EXOSC10: variants seen among roughly 807,000 people sequenced by gnomAD.
EXOSC10 encodes the protein exosome component 10.
EXOSC10 carries 94 observed loss-of-function variants against 126.6 expected under a neutral mutation model. The ratio of observed to expected loss-of-function variants is 0.74; its 90% confidence interval spans 0.63 to 0.88. EXOSC10 has a LOEUF of 0.88. Ranked by LOEUF, EXOSC10 falls within the 40% of genes least tolerant of loss-of-function variation. The pLI is 0.00. For missense variants in EXOSC10, 1,041 were observed against 1,100.5 expected (o/e 0.95, Z 0.77); for synonymous variants, 395 against 400.8 (o/e 0.99, Z 0.17).
chr1:11,092,698 T>C (rs894889088), intron 3 of EXOSC10, among the ~76,000 whole-genome samples: 2 of 152,084 alleles, frequency 1.3e-5, no homozygotes, highest in African/African-American at 2.4e-5. Flanking sequence ...TTGTATTTTT[T>C]AGTAGAGATG....
intron 1 of EXOSC10, among the ~76,000 whole-genome samples, chr1:11,098,955 G>C (rs1018036738): frequency 1.2e-4 from 18 of 152,214 alleles, no homozygotes; most frequent in Non-Finnish European, 2.1e-4. Context: ...TAGCTTATGA[G>C]CATGACCGCC....
chr1:11,098,575 A>G (rs1423034630), intron 1 of EXOSC10, among the ~76,000 whole-genome samples: 2 of 152,230 alleles, frequency 1.3e-5, no homozygotes, highest in African/African-American at 4.8e-5. Context: ...AAAAGCACTT[A>G]GGACAGTTCT....
chr1:11,083,443 C>T lies in EXOSC10; in HGVS notation c.1090-565G>A, dbSNP rs1570825301. Among the ~76,000 whole-genome samples the T allele has an allele frequency of 2.0e-5, 3 of 151,696 alleles. No homozygotes were observed. In the South Asian group the frequency reaches 6.3e-4, roughly 32 times the overall value. On this transcript the variant is annotated intron_variant, in intron 9 of 24. Coordinates refer to ENST00000376936, the MANE Select transcript of EXOSC10 (RefSeq NM_001001998.3). ...CGGGTGTGGTGGCGCATGCCTTTAA[C>T]CCCAGCTACTTGGGAGGCCGAGGCA... is the stretch of plus-strand genomic sequence containing the variant.
chr1:11,092,872 G>A (rs1193167107), intron 3 of EXOSC10, among the ~76,000 whole-genome samples: 1 of 152,156 alleles, frequency 6.6e-6, no homozygotes, highest in Non-Finnish European at 1.5e-5. Flanking sequence ...AATTACATGA[G>A]ATGAATATTC....
chr1:11,087,469 G>A lies in EXOSC10; in HGVS notation c.1068C>T (p.Leu356=). 1 of 1,614,106 alleles carries A rather than the reference G, an allele frequency of 6.2e-7. No individual in the cohort carries two copies. The highest frequency in any genetic ancestry group is 2.2e-5 in the East Asian group (1 of 44,872). Residue 356 remains leucine, a synonymous_variant, in exon 9 of 25, where the codon CTC becomes CTT. Coordinates refer to ENST00000376936, the MANE Select transcript of EXOSC10 (RefSeq NM_001001998.3). ...RSDMYILNES[L]TDPAIVKVFH... is the part of the protein sequence containing the mutation. ...TGACCTTAACGATGGCTGGGTCTGTGAGGCTCTCATTGAGAATGTACATGT... is the reference window on the plus strand; with the variant it reads ...TGACCTTAACGATGGCTGGGTCTGTAAGGCTCTCATTGAGAATGTACATGT...
At chr1:11,074,042 C>A (rs752874244) in intron 18 of EXOSC10, 34 bp from the exon 19 acceptor site, 2 of 1,602,008 alleles carry the variant, frequency 1.2e-6, no homozygotes, top group East Asian at 2.2e-5. Flanking sequence ...GAAACGCTGC[C>A]GGGAACGGAA....
chr1:11,087,695 A>T (rs1334559011), intron 8 of EXOSC10, 104 bp from the exon 9 acceptor site: 1 of 1,502,136 alleles, frequency 6.7e-7, no homozygotes, highest in Non-Finnish European at 9.0e-7. Context: ...TATATGATTA[A>T]TTTTTTACCA....
chr1:11,091,985 C>T (rs1640832939), intron 3 of EXOSC10, among the ~76,000 whole-genome samples: 1 of 152,058 alleles, frequency 6.6e-6, no homozygotes, highest in Admixed American at 6.5e-5. Flanking sequence ...CCACCGTGCC[C>T]CACCTAATTA....
intron 3 of EXOSC10, among the ~76,000 whole-genome samples, chr1:11,094,035 G>A (rs1390291428): frequency 6.6e-6 from 1 of 152,124 alleles, no homozygotes; most frequent in Non-Finnish European, 1.5e-5. Context: ...AGTTATGGTT[G>A]CACCACTGCA....
intron 3 of EXOSC10, among the ~76,000 whole-genome samples, chr1:11,094,295 C>CT (rs148618446): frequency 1.3e-3 from 176 of 140,054 alleles, no homozygotes; most frequent in South Asian, 2.1e-3. Flanking sequence ...GGCACTTTAA[C>CT]TTTTTTTTTT....
chr1:11,087,711 A>C, intron 8 of EXOSC10, 89 bp downstream of exon 8: 5 of 1,481,890 alleles, frequency 3.4e-6, no homozygotes, highest in Non-Finnish European at 4.6e-6. Flanking sequence ...TACCAAAAAA[A>C]ATTACAATTA....
At chr1:11,076,467 C>T (rs1462915464) in intron 17 of EXOSC10, among the ~76,000 whole-genome samples, 2 of 152,232 alleles carry the variant, frequency 1.3e-5, no homozygotes, top group Non-Finnish European at 2.9e-5. Context: ...CCATGCCACC[C>T]CTGCTGGGCA....
At chr1:11,094,553 G>A (rs980077287) in intron 3 of EXOSC10, among the ~76,000 whole-genome samples, 2 of 151,146 alleles carry the variant, frequency 1.3e-5, no homozygotes, top group African/African-American at 4.9e-5. Flanking sequence ...CACCCACCTC[G>A]GCCTCCCAAA....
At chr1:11,070,076 A>C (rs1639369414) in intron 21 of EXOSC10, among the ~76,000 whole-genome samples, 1 of 151,948 alleles carries the variant, frequency 6.6e-6, no homozygotes, top group Admixed American at 6.6e-5. Flanking sequence ...CTACAAAAAA[A>C]AAGAAACAAA....
intron 19 of EXOSC10, among the ~76,000 whole-genome samples, chr1:11,073,536 A>C (rs1423227864): frequency 6.6e-6 from 1 of 152,236 alleles, no homozygotes; most frequent in Non-Finnish European, 1.5e-5. Flanking sequence ...CACAGATGAG[A>C]TAGGCTTGTC....
intron 3 of EXOSC10, among the ~76,000 whole-genome samples, chr1:11,093,195 C>T (rs373162471): frequency 2.0e-5 from 3 of 152,132 alleles, no homozygotes; most frequent in Admixed American, 2.0e-4. Flanking sequence ...GCCCAATACT[C>T]GATTGACTCT....
At chr1:11,090,045 TG>T (rs1030388393) in intron 6 of EXOSC10, among the ~76,000 whole-genome samples, 2 of 149,436 alleles carry the variant, frequency 1.3e-5, no homozygotes, top group Non-Finnish European at 3.0e-5. Context: ...TCACTCAGGC[TG>T]GAGTGCAGTG....
At chr1:11,078,218 T>C (rs1353749844) in intron 14 of EXOSC10, among the ~76,000 whole-genome samples, 1 of 151,708 alleles carries the variant, frequency 6.6e-6, no homozygotes, top group Non-Finnish European at 1.5e-5. Context: ...TGAGCCATGA[T>C]TGCACCACTG....
chr1:11,081,363 C>A, intron 10 of EXOSC10, 125 bp from the exon 11 acceptor site: 1 of 1,011,930 alleles, frequency 9.9e-7, no homozygotes, highest in Non-Finnish European at 1.5e-6. Flanking sequence ...ATAGTCAATA[C>A]TGCAGTTATG....
Sources: allele counts gnomAD v4.1 joint callset (sites outside exome capture counted in the v4.1 genomes callset), GRCh38; gene constraint gnomAD v4.1.1; transcripts MANE v1.5; gene names NCBI Gene and HGNC (gene_info 2026-07-23, HGNC 2026-07-21).